Variants in GRIK5 observed in about 807,000 individuals in gnomAD.
GRIK5 encodes the protein glutamate receptor ionotropic, kainate 5.
GRIK5 carries 43 observed loss-of-function variants against 97.4 expected under a neutral mutation model. That is an observed-to-expected ratio of 0.44 (90% CI 0.35 to 0.57). The LOEUF (loss-of-function observed/expected upper bound fraction) is 0.57, where lower values mean the gene tolerates loss of function less well. Among genes scored for constraint, GRIK5 ranks in the 20% least tolerant of loss-of-function variants. The pLI, the probability that GRIK5 is intolerant of heterozygous loss-of-function variation, is 0.01. For missense variants in GRIK5, 1,015 were observed against 1,382.0 expected, an observed-to-expected ratio of 0.73 and a Z score of 4.21; for synonymous variants, 580 against 583.5, an observed-to-expected ratio of 0.99 and a Z score of 0.09.
At position 42,021,504 on chromosome 19, in the gene GRIK5, G is replaced by A. The variant is rs918438779; in HGVS notation, c.1698-30C>T. 6.7e-7 allele frequency: 1 copy of A among 1,495,630 alleles called. No individual in the cohort carries two copies. Among genetic ancestry groups the A allele is most frequent in the Non-Finnish European group, 8.9e-7 (1 of 1,119,480 alleles). The allele number at this position is 1,495,630 out of a possible 1,614,324, so 92.6% of individuals were successfully genotyped here. On this transcript the variant is annotated intron_variant, in intron 14 of 19. Transcript: ENST00000593562. This position sits in a 1 kb window ranked among gnomAD's most constrained non-coding sequence, Gnocchi z 4.2. ...GGAGAGACGTGCAGCGTGTGGATGG[G>A]GCCCAGAGCCCAGGTGGGGAGGAAA...
At chr19:42,027,318 G>A (rs1599780427) in intron 12 of GRIK5, among the ~76,000 whole-genome samples, 1 of 152,338 alleles carries the variant, frequency 6.6e-6, no homozygotes, top group African/African-American at 2.4e-5. Flanking sequence ...ATAGCAACAT[G>A]AAGGAAGTAC....
Position 42,003,563 on chromosome 19 carries a change from C to G in GRIK5, c.2384G>C (p.Arg795Pro). 2 of 1,610,588 alleles carry G rather than the reference C, an allele frequency of 1.2e-6. No homozygotes were observed. The highest frequency in any genetic ancestry group is 1.7e-6 in the Non-Finnish European group (2 of 1,178,086). Residue 795 changes from arginine to proline, a missense_variant, in exon 18 of 20, where the codon CGA (arginine) becomes CCA (proline). By Grantham distance (103) the Arg-to-Pro change is moderately radical. This residue lies in a region of GRIK5 where 229 missense variants were observed against 341.0 expected (regional missense o/e 0.67). Coordinates refer to ENST00000593562, the MANE Select transcript of GRIK5 (RefSeq NM_002088.5). This position sits in a 1 kb window ranked among gnomAD's most constrained non-coding sequence, Gnocchi z 4.2. ...GGRCPKEEDH[R>P]AKGLGMENIG... is the part of the protein sequence containing the mutation. ...CATACGCGGGAACTGACCTTTAGCT[C>G]GATGGTCCTCCTCCTTGGGGCACCG...
chr19:42,049,429 A>C (rs927862235), intron 11 of GRIK5, among the ~76,000 whole-genome samples: 18 of 152,202 alleles, frequency 1.2e-4, no homozygotes, highest in Non-Finnish European at 2.6e-4. Context: ...ATGAATCAGG[A>C]AATTGCAGTA....
rs1555870129 is a variant in GRIK5 at position 41,998,974 on chromosome 19, GC to G, written c.2839del (p.Ala947ProfsTer?). On this transcript the variant is annotated frameshift_variant, in exon 20 of 20. Coordinates refer to ENST00000593562, the MANE Select transcript of GRIK5 (RefSeq NM_002088.5). LOFTEE classifies it low-confidence loss of function (END_TRUNC). ...GCCCAGGCCACGCGGAGGCGCGCCG[GC>G]CCCCGAGGCCCGCAGCGCCTGGATG... is the stretch of plus-strand genomic sequence containing the variant. Reference protein sequence around the residue: ...RRIQALRASGAGAPPRGLGVP... With the variant: ...RRIQALRASGXGAPPRGLGVP... 1.0e-5 allele frequency: 12 copies of G among 1,147,604 alleles called. No individual in the cohort carries two copies. The highest frequency in any genetic ancestry group is 9.0e-5 in the South Asian group (3 of 33,238). The allele number at this position is 1,147,604 out of a possible 1,614,324, so 71.1% of individuals were successfully genotyped here.
Position 42,024,459 on chromosome 19 carries a change from C to T in GRIK5, c.1474-2105G>A, listed in dbSNP as rs375571460. On this transcript the variant is annotated intron_variant, in intron 12 of 19. Coordinates refer to ENST00000593562, the MANE Select transcript of GRIK5 (RefSeq NM_002088.5). The stretch of plus-strand genomic sequence containing the variant: ...AACTCCTGACCTCAGGTGACCTGCC[C>T]ACCTCAGCCTCCCAAAGTGTTGGGA... Among the ~76,000 whole-genome samples, 10 of 152,234 alleles carry T rather than the reference C, an allele frequency of 6.6e-5. No homozygotes were observed. In the East Asian group the frequency reaches 1.5e-3, roughly 24 times the overall value.
intron 11 of GRIK5, among the ~76,000 whole-genome samples, chr19:42,051,047 G>A (rs564568798): frequency 1.3e-5 from 2 of 152,298 alleles, no homozygotes; most frequent in African/African-American, 4.8e-5. Context: ...GGAGGAATGG[G>A]ACTGAGGTCC....
rs1186263056 is a variant in GRIK5 at position 42,062,451 on chromosome 19, G to A, written c.508+37C>T. ...CCAGATCTCTTGGGAAGGGGTGTCT[G>A]GGGGAACAGAAAACAAAACATTCAG... On this transcript the variant is annotated intron_variant, in intron 5 of 19. Coordinates refer to ENST00000593562, the MANE Select transcript of GRIK5 (RefSeq NM_002088.5). This position sits in a 1 kb window ranked among gnomAD's most constrained non-coding sequence, Gnocchi z 5.3. 6.2e-7 allele frequency: 1 copy of A among 1,607,750 alleles called. No homozygotes were observed. The highest frequency in any genetic ancestry group is 8.5e-7 in the Non-Finnish European group (1 of 1,175,948).
chr19:42,005,639 G>A, intron 17 of GRIK5, 84 bp downstream of exon 17: 1 of 912,760 alleles, frequency 1.1e-6, no homozygotes. Context: ...TGCCTCGGGG[G>A]TGCCTGGCCC....
chr19:42,000,613 G>A (rs2075416018), intron 19 of GRIK5, among the ~76,000 whole-genome samples: 1 of 152,146 alleles, frequency 6.6e-6, no homozygotes, highest in South Asian at 2.1e-4. Flanking sequence ...TGGCTTCAGG[G>A]GAGACACATA....
intron 1 of GRIK5, among the ~76,000 whole-genome samples, chr19:42,066,891 T>C (rs1599859937): frequency 2.0e-5 from 3 of 150,798 alleles, no homozygotes; most frequent in Admixed American, 1.3e-4. Flanking sequence ...AGGCAGGGAG[T>C]GGAGCTGCCT....
intron 11 of GRIK5, among the ~76,000 whole-genome samples, chr19:42,053,303 T>C (rs1326970533): frequency 2.0e-5 from 3 of 152,228 alleles, no homozygotes; most frequent in Non-Finnish European, 2.9e-5. Context: ...ATACATGTTG[T>C]TGGCAAGGGT....
intron 12 of GRIK5, among the ~76,000 whole-genome samples, chr19:42,039,873 G>A (rs912462714): frequency 6.6e-5 from 10 of 152,084 alleles, no homozygotes; most frequent in South Asian, 2.1e-4. Context: ...CCAGCAACTC[G>A]GGAGGCTGAG....
chr19:42,066,253 G>A (rs1340362625), intron 1 of GRIK5, among the ~76,000 whole-genome samples: 1 of 151,950 alleles, frequency 6.6e-6, no homozygotes, highest in East Asian at 1.9e-4. Context: ...TGGAGAGGAT[G>A]CGGTGGTTGC....
Position 42,022,162 on chromosome 19 carries a change from T to A in GRIK5, c.1587+79A>T. On this transcript the variant is annotated intron_variant, in intron 13 of 19. Coordinates refer to ENST00000593562, the MANE Select transcript of GRIK5 (RefSeq NM_002088.5). The surrounding 1 kb of genome is among the most constrained non-coding windows in gnomAD (Gnocchi z 4.2). ...AGCCTGACCGGCCCATCTGAGGTCC[T>A]GGGGCTGTCTGGCTCCCACTCGCAG... The A allele has an allele frequency of 2.1e-6, 3 of 1,411,378 alleles. No individual in the cohort carries two copies. The allele number at this position is 1,411,378 out of a possible 1,614,324, so 87.4% of individuals were successfully genotyped here. A position where few individuals can be genotyped will look rare whatever the true frequency, so the allele number is the denominator to read the frequency against.
chr19:42,035,752 T>C (rs1351025660), intron 12 of GRIK5, among the ~76,000 whole-genome samples: 1 of 152,110 alleles, frequency 6.6e-6, no homozygotes, highest in African/African-American at 2.4e-5. Context: ...ATTAATGAAT[T>C]TGTAGAAAAT....
Position 42,021,640 on chromosome 19 carries a change from A to G in GRIK5, c.1698-166T>C, listed in dbSNP as rs2075698462. Among the ~76,000 whole-genome samples, 1 of 152,172 alleles carries G rather than the reference A, an allele frequency of 6.6e-6. No homozygotes were observed. The highest frequency in any genetic ancestry group is 2.4e-5 in the African/African-American group (1 of 41,456). On this transcript the variant is annotated intron_variant, in intron 14 of 19. Coordinates refer to ENST00000593562, the MANE Select transcript of GRIK5 (RefSeq NM_002088.5). The surrounding 1 kb of genome is among the most constrained non-coding windows in gnomAD (Gnocchi z 4.2). The stretch of plus-strand genomic sequence containing the variant: ...AAAAGGCAGAGAGAGATGCACAGAG[A>G]TGGAGACAGAAGAGGCAGAGAGAGA...
chr19:41,999,125 C>A lies in GRIK5; in HGVS notation c.2689G>T (p.Gly897Trp). 1 of 1,430,060 alleles carries A rather than the reference C, an allele frequency of 7.0e-7. No individual in the cohort carries two copies. The highest frequency in any genetic ancestry group is 9.1e-7 in the Non-Finnish European group (1 of 1,098,330). The allele number at this position is 1,430,060 out of a possible 1,614,324, so 88.6% of individuals were successfully genotyped here. ...NGKLYSAGAG[G>W]DAGSAHGGPQ... ...CCCCCGTGCGCGCTGCCCGCATCCC[C>A]GCCCGCGCCGGCCGAGTAGAGCTTG... The change falls in exon 20 of 20, where the codon GGG becomes TGG. Residue 897 changes from glycine to tryptophan, a missense_variant. Coordinates refer to ENST00000593562, the MANE Select transcript of GRIK5 (RefSeq NM_002088.5). This position sits in a 1 kb window ranked among gnomAD's most constrained non-coding sequence, Gnocchi z 5.0.
In GRIK5 at chr19:41,999,257, C is replaced by T. The variant is rs2075405523; in HGVS notation, c.2557G>A (p.Val853Ile). Residue 853 changes from valine (V) to isoleucine (I), a missense_variant, in exon 20 of 20, where the codon GTT becomes ATT. Around this residue, in one of 5 missense-constraint regions of GRIK5, gnomAD observed 229 missense variants for 341.0 expected, o/e 0.67. Transcript: ENST00000593562. The surrounding 1 kb of genome is among the most constrained non-coding windows in gnomAD (Gnocchi z 5.0). ...GAACGCGACGTCTTGCGGCAAGAAA[C>T]GGCGTGGCGCAGCTCCTGCAGCATC... ...QEMLQELRHA[V>I]SCRKTSRSRR... is the part of the protein sequence containing the mutation. 6.6e-7 allele frequency: 1 copy of T among 1,524,672 alleles called. No individual in the cohort carries two copies. The highest frequency in any genetic ancestry group is 1.8e-4 in the Middle Eastern group (1 of 5,694). 94.4% of individuals were successfully genotyped at this position (1,524,672 alleles called of 1,614,324 possible).
intron 12 of GRIK5, among the ~76,000 whole-genome samples, chr19:42,030,668 T>G (rs1324722153): frequency 6.6e-6 from 1 of 152,070 alleles, no homozygotes; most frequent in Non-Finnish European, 1.5e-5. Flanking sequence ...CCTGCTATGT[T>G]GCTGAGGCTG....
Sources: allele counts gnomAD v4.1 joint callset (sites outside exome capture counted in the v4.1 genomes callset), GRCh38; gene constraint gnomAD v4.1.1; regional missense constraint gnomAD v4.1.1; non-coding constraint Gnocchi (gnomAD v3.1); transcripts MANE v1.5; gene names NCBI Gene and HGNC (gene_info 2026-07-23, HGNC 2026-07-21).